KIFAP3: variants seen among roughly 807,000 people sequenced by gnomAD.
The protein encoded by KIFAP3 is kinesin associated protein 3.
A neutral mutation model predicts 106.5 loss-of-function variants in KIFAP3; 68 were observed. That is an observed-to-expected ratio of 0.64 (90% confidence interval 0.53 to 0.78). KIFAP3 has a LOEUF of 0.78. Ranked by LOEUF, KIFAP3 falls within the 30% of genes least tolerant of loss-of-function variation. KIFAP3 has a pLI of 0.00. For missense variants in KIFAP3, 780 were observed against 941.8 expected, an observed-to-expected ratio of 0.83 and a Z score of 2.25; for synonymous variants, 320 against 311.5, an observed-to-expected ratio of 1.03 and a Z score of -0.29.
At chr1:170,060,909 G>A (rs1344556561) in intron 1 of KIFAP3, among the ~76,000 whole-genome samples, 1 of 152,164 alleles carries the variant, frequency 6.6e-6, no homozygotes, top group East Asian at 1.9e-4. Flanking sequence ...AAGCAATGGG[G>A]AAAGGATTCC....
Position 170,016,499 on chromosome 1 carries a change from T to C in KIFAP3, c.1146A>G (p.Val382=), listed in dbSNP as rs1571670145. 1.9e-6 allele frequency: 3 copies of C among 1,608,750 alleles called. No homozygotes were observed. Among genetic ancestry groups the C allele is most frequent in the South Asian group, 1.1e-5 (1 of 89,970 alleles). The change falls in exon 10 of 20, where the codon GTA becomes GTG. Residue 382 remains valine, a synonymous_variant. Transcript: ENST00000361580. ...SFDTGLRNKM[V]QVGLLPKLTA... ...TGAGCTTGGGAAGCAGTCCAACTTG[T>C]ACCATCTTATTCCTCAGTCCTGTGT...
At chr1:170,075,959 T>C (rs1327755009), upstream of KIFAP3, among the ~76,000 whole-genome samples, 1 of 152,200 alleles carries the variant, frequency 6.6e-6, no homozygotes, top group Admixed American at 6.5e-5. Flanking sequence ...ATGTAAAATT[T>C]TACAAATTAT....
At chr1:170,037,670 GAGGTTGCAGTGAGCTGA>G (rs1669759601) in intron 5 of KIFAP3, among the ~76,000 whole-genome samples, 1 of 152,236 alleles carries the variant, frequency 6.6e-6, no homozygotes. Flanking sequence ...CCGGGAGGCG[GAGGTTGCAGTGAGCTGA>G]AGGTTGCAGT....
rs1375495195 is a variant in KIFAP3, at chr1:170,059,710, C to CA, written c.33-4275dup. Among the ~76,000 whole-genome samples, 67 of 150,648 alleles carry CA rather than the reference C, an allele frequency of 4.4e-4. 1 individual carries two copies. In the South Asian group the frequency reaches 6.7e-3, roughly 15 times the overall value. ...ATACCAAAGCCTGGCAGAGACACAA[C>CA]AAAAAAAAAGAATTTTAAACCAATA... On this transcript the variant is annotated intron_variant, in intron 1 of 19. Coordinates refer to ENST00000361580, the MANE Select transcript of KIFAP3 (RefSeq NM_014970.4).
chr1:169,998,299 C>G (rs537448075), intron 10 of KIFAP3, among the ~76,000 whole-genome samples: 14 of 151,420 alleles, frequency 9.2e-5, no homozygotes, highest in Admixed American at 8.6e-4. Flanking sequence ...CAAATAAAAC[C>G]TATATGACAG....
In KIFAP3 at chr1:170,074,682, G is replaced by A. The variant is rs937157165; in HGVS notation, c.-215C>T. 1.3e-5 allele frequency: 19 copies of A among 1,413,460 alleles called. No homozygotes were observed. In the African/African-American group the frequency reaches 2.0e-4, roughly 15 times the overall value. The allele number at this position is 1,413,460 out of a possible 1,614,324, so 87.6% of individuals were successfully genotyped here. The stretch of plus-strand genomic sequence containing the variant: ...CAAAACACTGGAGCGGCCCAGACCC[G>A]CCCAGAGTCGCCTAAGCCGGGCCGT... On this transcript the variant is annotated 5_prime_UTR_variant, in exon 1 of 20. Coordinates refer to ENST00000361580, the MANE Select transcript of KIFAP3 (RefSeq NM_014970.4).
intron 18 of KIFAP3, among the ~76,000 whole-genome samples, chr1:169,956,610 CTTT>C (rs1163823729): frequency 1.4e-4 from 16 of 117,412 alleles, no homozygotes; most frequent in Admixed American, 1.8e-4. Context: ...CACTGAAGTT[CTTT>C]TTTTTTTTTT....
chr1:169,941,078 A>C (rs991214520), intron 19 of KIFAP3, among the ~76,000 whole-genome samples: 1 of 152,180 alleles, frequency 6.6e-6, no homozygotes, highest in Non-Finnish European at 1.5e-5. Context: ...AACTATAGAA[A>C]AGGCCCTCAG....
upstream of KIFAP3, among the ~76,000 whole-genome samples, chr1:170,078,894 T>C (rs931232253): frequency 1.3e-5 from 2 of 152,196 alleles, no homozygotes; most frequent in Non-Finnish European, 2.9e-5. Flanking sequence ...TGTGCAAAAC[T>C]CTTTAACAAA....
At chr1:170,074,711 G>T (rs1671860409), upstream of KIFAP3, 1 of 1,392,262 alleles carries the variant, frequency 7.2e-7, no homozygotes, top group Admixed American at 3.0e-5. Flanking sequence ...GGGCCGTCAC[G>T]ACGCATGCGC....
Position 169,978,113 on chromosome 1 carries a change from G to A in KIFAP3, c.1869C>T (p.Ala623=). Residue 623 remains alanine (A), a synonymous_variant, in exon 16 of 20, where the codon GCC becomes GCT. Transcript: ENST00000361580. ...YVFYQMVFHQ[A]TRDVIIKETQ... is the part of the protein sequence containing the mutation. ...TTTCCTTGATTATGACGTCTCTTGTGGCTTGGTGGAAAACCATCTGGTAGA... is the reference window on the plus strand; with the variant it reads ...TTTCCTTGATTATGACGTCTCTTGTAGCTTGGTGGAAAACCATCTGGTAGA... The A allele has an allele frequency of 6.2e-7, 1 of 1,610,314 alleles. No homozygotes were observed. Among genetic ancestry groups the A allele is most frequent in the Non-Finnish European group, 8.5e-7 (1 of 1,177,196 alleles).
intron 1 of KIFAP3, among the ~76,000 whole-genome samples, chr1:170,079,841 T>C (rs573122549): frequency 7.2e-5 from 11 of 152,078 alleles, no homozygotes; most frequent in Admixed American, 3.9e-4. Context: ...GCATTGAATA[T>C]GTAAATTGCT....
chr1:170,033,318 G>A (rs1669509477), intron 7 of KIFAP3, among the ~76,000 whole-genome samples: 1 of 151,734 alleles, frequency 6.6e-6, no homozygotes, highest in African/African-American at 2.4e-5. Flanking sequence ...TTACAACATA[G>A]ATTAAATTGA....
chr1:169,986,415 G>A (rs547165565), intron 11 of KIFAP3, among the ~76,000 whole-genome samples: 1 of 151,908 alleles, frequency 6.6e-6, no homozygotes, highest in East Asian at 1.9e-4. Context: ...GCAGGTGAAC[G>A]GCTGGCATGT....
intron 10 of KIFAP3, among the ~76,000 whole-genome samples, chr1:170,011,686 T>G (rs1421618511): frequency 6.6e-6 from 1 of 151,986 alleles, no homozygotes; most frequent in Non-Finnish European, 1.5e-5. Flanking sequence ...TGAAAGTCAG[T>G]GCTCTAAATA....
intron 17 of KIFAP3, among the ~76,000 whole-genome samples, chr1:169,971,814 C>A (rs1665936254): frequency 6.6e-6 from 1 of 151,910 alleles, no homozygotes; most frequent in Non-Finnish European, 1.5e-5. Flanking sequence ...AAAAAGAAAG[C>A]AACGTGGTTG....
chr1:169,992,916 A>G (rs748915252), intron 10 of KIFAP3, among the ~76,000 whole-genome samples: 6 of 152,138 alleles, frequency 3.9e-5, no homozygotes, highest in Non-Finnish European at 8.8e-5. Flanking sequence ...CAGACAGAAC[A>G]TATTTTAAGG....
At chr1:170,031,083 A>G (rs1419410934) in intron 8 of KIFAP3, among the ~76,000 whole-genome samples, 2 of 151,798 alleles carry the variant, frequency 1.3e-5, no homozygotes, top group Non-Finnish European at 3.0e-5. Context: ...ACATGAAAAC[A>G]ATTGCTTTCT....
intron 12 of KIFAP3, 93 bp downstream of exon 12, chr1:169,984,489 T>C (rs554803351): frequency 1.3e-4 from 69 of 534,150 alleles, no homozygotes; most frequent in African/African-American, 1.2e-3. Context: ...AGGACTTACA[T>C]AATCATTATA....
Sources: gnomAD v4.1 joint callset for allele counts (sites outside exome capture counted in the v4.1 genomes callset) on GRCh38, gnomAD v4.1.1 for gene constraint, MANE v1.5 for transcripts, NCBI Gene and HGNC (gene_info 2026-07-23, HGNC 2026-07-21) for gene names.